Variants in CFAP141 observed in about 807,000 individuals in gnomAD.
CFAP141 encodes cilia and flagella associated protein 141, also known as cilia- and flagella-associated protein 141.
the CFAP141 span, among the ~76,000 whole-genome samples, chr1:154,200,895 G>A: frequency 6.6e-6 from 1 of 152,006 alleles, no homozygotes; most frequent in Non-Finnish European, 1.5e-5. Context: ...TATTGGTCAG[G>A]CTGGTCTCGA....
the CFAP141 span, among the ~76,000 whole-genome samples, chr1:154,204,260 T>G: frequency 6.6e-6 from 1 of 152,198 alleles, no homozygotes; most frequent in Non-Finnish European, 1.5e-5. Flanking sequence ...ACTGCCTTTG[T>G]AAACATGGCT....
the CFAP141 span, chr1:154,200,606 G>T: frequency 6.2e-7 from 1 of 1,613,672 alleles, no homozygotes. Flanking sequence ...AGGTACAGAG[G>T]TGGGGGTTGA....
chr1:154,199,160 C>T, the CFAP141 span, among the ~76,000 whole-genome samples: 1 of 151,930 alleles, frequency 6.6e-6, no homozygotes, highest in African/African-American at 2.4e-5. Context: ...CCCCTCCCCA[C>T]CCCTGCCCCC....
At chr1:154,204,871 G>GT in the CFAP141 span, among the ~76,000 whole-genome samples, 5,382 of 133,868 alleles carry the variant, frequency 0.04, 152 homozygotes, top group Admixed American at 0.052. Flanking sequence ...TTGCATCAGT[G>GT]TTTTTTTTTT....
the CFAP141 span, among the ~76,000 whole-genome samples, chr1:154,201,791 G>C: frequency 1.3e-5 from 2 of 151,114 alleles, no homozygotes; most frequent in African/African-American, 4.9e-5. Context: ...TTTTTTTTGA[G>C]AAATAGTCTC....
At chr1:154,199,857 C>T in the CFAP141 span, among the ~76,000 whole-genome samples, 48 of 152,190 alleles carry the variant, frequency 3.2e-4, no homozygotes, top group Admixed American at 1.4e-3. Flanking sequence ...GCAAGTGATA[C>T]GCACTAAGAG....
the CFAP141 span, chr1:154,205,722 GAGAC>G: frequency 8.3e-7 from 1 of 1,203,966 alleles, no homozygotes; most frequent in South Asian, 1.3e-5. Flanking sequence ...TTTTTTTTTT[GAGAC>G]AGAGTTTTGC....
At chr1:154,203,733 A>G in the CFAP141 span, among the ~76,000 whole-genome samples, 1 of 152,154 alleles carries the variant, frequency 6.6e-6, no homozygotes, top group Non-Finnish European at 1.5e-5. Flanking sequence ...GAATGTTTTC[A>G]GAAAATGTTT....
At chr1:154,200,044 T>A in the CFAP141 span, among the ~76,000 whole-genome samples, 1 of 152,060 alleles carries the variant, frequency 6.6e-6, no homozygotes, top group Non-Finnish European at 1.5e-5. Context: ...CCGGCCAATT[T>A]TTGTGTTTTT....
the CFAP141 span, among the ~76,000 whole-genome samples, chr1:154,200,248 C>T: frequency 6.6e-6 from 1 of 152,174 alleles, no homozygotes. Flanking sequence ...TTAACATGTG[C>T]CTGCCGCCTG....
chr1:154,205,993 G>A, the CFAP141 span, among the ~76,000 whole-genome samples: 3 of 152,074 alleles, frequency 2.0e-5, no homozygotes, highest in East Asian at 1.9e-4. Context: ...GTGAGTCACC[G>A]CACCCAGCCA....
At chr1:154,199,809 C>G in the CFAP141 span, among the ~76,000 whole-genome samples, 1 of 152,112 alleles carries the variant, frequency 6.6e-6, no homozygotes, top group Admixed American at 6.6e-5. Flanking sequence ...TTACATGGCA[C>G]CAAGTGGGGA....
the CFAP141 span, chr1:154,206,305 C>T: frequency 1.2e-6 from 2 of 1,614,078 alleles, no homozygotes; most frequent in Non-Finnish European, 1.7e-6. Flanking sequence ...TTTCCACAGA[C>T]ATGTCTATAG....
At chr1:154,206,130 T>C in the CFAP141 span, 3 of 809,974 alleles carry the variant, frequency 3.7e-6, no homozygotes, top group Non-Finnish European at 6.6e-6. Context: ...TACTGTGTAC[T>C]AGACACAGCC....
At chr1:154,205,646 A>G in the CFAP141 span, 1 of 1,613,666 alleles carries the variant, frequency 6.2e-7, no homozygotes, top group South Asian at 1.1e-5. Context: ...ACTCTGCAAG[A>G]AAAGGTAGTT....
chr1:154,205,964 A>G, the CFAP141 span, among the ~76,000 whole-genome samples: 1 of 152,020 alleles, frequency 6.6e-6, no homozygotes, highest in Non-Finnish European at 1.5e-5. Context: ...CAGCCTCCCA[A>G]AGTGATAGGA....
the CFAP141 span, chr1:154,206,154 A>G: frequency 3.2e-6 from 3 of 923,460 alleles, no homozygotes; most frequent in East Asian, 4.8e-5. Flanking sequence ...CACTCCTGTT[A>G]CTAACTACAT....
the CFAP141 span, among the ~76,000 whole-genome samples, chr1:154,201,015 C>G: frequency 6.6e-6 from 1 of 151,346 alleles, no homozygotes; most frequent in East Asian, 1.9e-4. Context: ...AACCTCTGCC[C>G]CACTGTTAGA....
chr1:154,206,275 C>T, the CFAP141 span: 1 of 1,614,070 alleles, frequency 6.2e-7, no homozygotes, highest in Non-Finnish European at 8.5e-7. Context: ...CTCTGCATAC[C>T]TCTTCTACTT....
Sources: allele counts gnomAD v4.1 joint callset (sites outside exome capture counted in the v4.1 genomes callset), GRCh38; gene constraint gnomAD v4.1.1; transcripts MANE v1.5; gene names NCBI Gene and HGNC (gene_info 2026-07-23, HGNC 2026-07-21).